FSTL4: variants seen among roughly 807,000 people sequenced by gnomAD.
FSTL4 encodes follistatin like 4, also known as follistatin-related protein 4.
Under a neutral mutation model 78.2 loss-of-function variants are expected in FSTL4, and 28 were observed. The observed-to-expected ratio is 0.36, with a 90% CI of 0.27 to 0.49. The LOEUF is 0.49. Ranked by LOEUF, FSTL4 falls within the 20% of genes least tolerant of loss-of-function variation. The pLI is 0.98. For synonymous variants in FSTL4, 422 were observed against 440.5 expected (o/e 0.96, Z 0.53); for missense variants, 922 against 1,084.9 (o/e 0.85, Z 2.11).
the FSTL4 span, among the ~76,000 whole-genome samples, chr5:133,799,495 C>T: frequency 7.2e-6 from 1 of 138,994 alleles, no homozygotes; most frequent in Admixed American, 7.4e-5. Flanking sequence ...AGGTGAGCCA[C>T]TCTGCCCTTC....
chr5:133,549,354 T>C (rs192024377), intron 3 of FSTL4, among the ~76,000 whole-genome samples: 1 of 152,284 alleles, frequency 6.6e-6, no homozygotes, highest in East Asian at 1.9e-4. Context: ...CTCTGAAGTC[T>C]ATCCTTTGAT....
intron 4 of FSTL4, among the ~76,000 whole-genome samples, chr5:133,386,801 C>T (rs998963560): frequency 1.3e-5 from 2 of 152,122 alleles, no homozygotes; most frequent in Non-Finnish European, 2.9e-5. Context: ...GAAGCCCTCA[C>T]CCTGTGTTTC....
At chr5:133,777,312 T>C in the FSTL4 span, among the ~76,000 whole-genome samples, 5 of 152,320 alleles carry the variant, frequency 3.3e-5, no homozygotes, top group South Asian at 8.3e-4. Flanking sequence ...TTATACAGTA[T>C]GCTTATGTAA....
chr5:133,759,979 C>G, the FSTL4 span, among the ~76,000 whole-genome samples: 26 of 152,314 alleles, frequency 1.7e-4, 1 homozygote, highest in South Asian at 8.3e-4. Flanking sequence ...GTGGAAAAAC[C>G]AAACAGGCTG....
chr5:133,280,648 C>T (rs1267472295), intron 6 of FSTL4, among the ~76,000 whole-genome samples: 1 of 152,162 alleles, frequency 6.6e-6, no homozygotes, highest in Non-Finnish European at 1.5e-5. Flanking sequence ...CAGGGCTTAG[C>T]AAAGAGCCTG....
intron 3 of FSTL4, among the ~76,000 whole-genome samples, chr5:133,452,614 C>T (rs985764159): frequency 4.6e-5 from 7 of 152,196 alleles, no homozygotes; most frequent in African/African-American, 1.4e-4. Context: ...GGTAAGTGCT[C>T]GTATTAAATG....
chr5:133,761,810 T>C, the FSTL4 span, among the ~76,000 whole-genome samples: 5 of 152,316 alleles, frequency 3.3e-5, no homozygotes, highest in South Asian at 1.0e-3. Context: ...TAGCCATCCA[T>C]CTCCTGTGCT....
chr5:133,328,149 T>G (rs1242971288), intron 4 of FSTL4, among the ~76,000 whole-genome samples: 1 of 152,228 alleles, frequency 6.6e-6, no homozygotes, highest in African/African-American at 2.4e-5. Context: ...ATGCAGACCT[T>G]GCGCCTGGTT....
At chr5:133,465,464 C>T (rs1172049254) in intron 3 of FSTL4, among the ~76,000 whole-genome samples, 1 of 152,236 alleles carries the variant, frequency 6.6e-6, no homozygotes, top group African/African-American at 2.4e-5. Flanking sequence ...AGGTCCCATG[C>T]CACATATTCC....
At chr5:133,209,159 T>C (rs1373198836) in intron 14 of FSTL4, among the ~76,000 whole-genome samples, 2 of 152,190 alleles carry the variant, frequency 1.3e-5, no homozygotes, top group Admixed American at 6.5e-5. Context: ...GATAGGTTAT[T>C]ACTATTTTTT....
intron 4 of FSTL4, among the ~76,000 whole-genome samples, chr5:133,330,682 T>A (rs1754324715): frequency 6.6e-6 from 1 of 152,202 alleles, no homozygotes. Flanking sequence ...ATCCCTCATA[T>A]CAAATATATG....
intron 14 of FSTL4, among the ~76,000 whole-genome samples, chr5:133,207,289 T>C (rs897885725): frequency 1.3e-5 from 2 of 152,374 alleles, no homozygotes; most frequent in Non-Finnish European, 2.9e-5. Context: ...GATCAGCTGT[T>C]CAGCACCTAC....
intron 8 of FSTL4, among the ~76,000 whole-genome samples, chr5:133,230,410 T>C (rs1751458883): frequency 6.6e-6 from 1 of 152,212 alleles, no homozygotes; most frequent in Admixed American, 6.5e-5. Flanking sequence ...TGCATGCCAG[T>C]GTTCTAGAAC....
chr5:133,259,433 A>G lies in FSTL4; in HGVS notation c.728-9857T>C, dbSNP rs77450665. Among the ~76,000 whole-genome samples, 113 of 152,228 alleles carry G rather than the reference A, an allele frequency of 7.4e-4. 2 individuals are homozygous for G. The highest frequency in any genetic ancestry group is 2.6e-3 in the African/African-American group (108 of 41,528). On this transcript the variant is annotated intron_variant, in intron 6 of 15. Transcript: ENST00000265342. The stretch of plus-strand genomic sequence containing the variant: ...GCACAGATGCGGTCAGAGGCAGGAA[A>G]TAGCTAGTTAGAGCAGGCAGAGCAA...
the FSTL4 span, among the ~76,000 whole-genome samples, chr5:133,634,467 G>T: frequency 2.0e-5 from 3 of 151,874 alleles, no homozygotes; most frequent in Non-Finnish European, 4.4e-5. Flanking sequence ...AACATATGAG[G>T]CAAAGAGAAA....
the FSTL4 span, among the ~76,000 whole-genome samples, chr5:133,788,360 G>T: frequency 6.6e-6 from 1 of 152,236 alleles, no homozygotes; most frequent in Admixed American, 6.5e-5. Flanking sequence ...TCAGCAGCCG[G>T]TTGCTAGGAT....
the FSTL4 span, among the ~76,000 whole-genome samples, chr5:133,621,614 GC>G: frequency 1.3e-5 from 2 of 152,124 alleles, no homozygotes; most frequent in African/African-American, 4.8e-5. Context: ...AGAGTTGGGA[GC>G]GGGTGAGGGA....
At chr5:133,427,645 T>C (rs766118057) in intron 3 of FSTL4, 34 of 530,850 alleles carry the variant, frequency 6.4e-5, no homozygotes, top group Non-Finnish European at 1.2e-4. Context: ...CCACACCCAG[T>C]GACTCTGTTC....
upstream of FSTL4, among the ~76,000 whole-genome samples, chr5:133,614,132 G>A (rs980017834): frequency 1.1e-4 from 17 of 152,164 alleles, no homozygotes; most frequent in Admixed American, 5.9e-4. Flanking sequence ...GGCTGGATTC[G>A]GCTCTCCTCT....
Sources: allele counts gnomAD v4.1 joint callset (sites outside exome capture counted in the v4.1 genomes callset), GRCh38; gene constraint gnomAD v4.1.1; transcripts MANE v1.5; gene names NCBI Gene and HGNC (gene_info 2026-07-23, HGNC 2026-07-21).